Variants in TTLL11 observed in about 807,000 individuals in gnomAD.
TTLL11 encodes the protein tubulin tyrosine ligase like 11.
In TTLL11, 42 loss-of-function variants were observed where a neutral mutation model predicts 51.7. The ratio of observed to expected loss-of-function variants is 0.81; its 90% CI spans 0.64 to 1.05. TTLL11 has a LOEUF of 1.05. Among genes scored for constraint, TTLL11 ranks in the 50% least tolerant of loss-of-function variants. The pLI is 0.00. For synonymous variants in TTLL11, 381 were observed against 383.5 expected (o/e 0.99, Z 0.08); for missense variants, 799 against 940.4 (o/e 0.85, Z 1.97).
intron 6 of TTLL11, among the ~76,000 whole-genome samples, chr9:121,941,434 C>T (rs1376342303): frequency 2.0e-5 from 3 of 152,212 alleles, no homozygotes; most frequent in African/African-American, 4.8e-5. Flanking sequence ...CCGACATTTG[C>T]GGAGCATTGA....
At chr9:121,996,822 C>A (rs1174711212) in intron 3 of TTLL11, among the ~76,000 whole-genome samples, 1 of 152,192 alleles carries the variant, frequency 6.6e-6, no homozygotes, top group Non-Finnish European at 1.5e-5. Flanking sequence ...TTTTGATGCT[C>A]TGCAAAGATA....
chr9:121,845,628 C>T (rs1356023995), intron 8 of TTLL11, among the ~76,000 whole-genome samples: 2 of 152,054 alleles, frequency 1.3e-5, no homozygotes, highest in African/African-American at 2.4e-5. Flanking sequence ...TGTTATAAGG[C>T]ATGGAAAAGA....
intron 3 of TTLL11, among the ~76,000 whole-genome samples, chr9:122,014,094 G>A (rs185412068): frequency 4.5e-4 from 69 of 152,218 alleles, no homozygotes; most frequent in Non-Finnish European, 8.4e-4. Flanking sequence ...GGTCAGGCAC[G>A]TGGCTCACAC....
intron 6 of TTLL11, among the ~76,000 whole-genome samples, chr9:121,971,058 G>C (rs1393719501): frequency 2.7e-5 from 4 of 148,266 alleles, no homozygotes; most frequent in African/African-American, 7.5e-5. Flanking sequence ...GCCCCGTCCG[G>C]GAGGGAGGTG....
intron 4 of TTLL11, among the ~76,000 whole-genome samples, chr9:121,976,487 T>A (rs1175518036): frequency 6.6e-6 from 1 of 152,046 alleles, no homozygotes; most frequent in Non-Finnish European, 1.5e-5. Context: ...ATTTCTAACA[T>A]AATTAATAGA....
chr9:122,061,703 T>A (rs1845437832), intron 1 of TTLL11, among the ~76,000 whole-genome samples: 1 of 152,116 alleles, frequency 6.6e-6, no homozygotes, highest in African/African-American at 2.4e-5. Flanking sequence ...AGTGGTGCAA[T>A]CTTGGCTCAC....
chr9:121,996,465 A>T (rs1416229018), intron 3 of TTLL11, among the ~76,000 whole-genome samples: 1 of 151,884 alleles, frequency 6.6e-6, no homozygotes, highest in Admixed American at 6.6e-5. Flanking sequence ...ACACACACAG[A>T]CACACACACA....
intron 1 of TTLL11, among the ~76,000 whole-genome samples, chr9:122,091,194 A>G (rs924255951): frequency 6.6e-6 from 1 of 152,096 alleles, no homozygotes; most frequent in Admixed American, 6.6e-5. Flanking sequence ...AGCTAAGTGG[A>G]GGCCCCACTT....
At chr9:122,063,995 A>G (rs1380954937) in intron 1 of TTLL11, among the ~76,000 whole-genome samples, 1 of 152,212 alleles carries the variant, frequency 6.6e-6, no homozygotes, top group African/African-American at 2.4e-5. Flanking sequence ...TAGTTCACTT[A>G]ATATCAGCCT....
chr9:121,996,234 C>T (rs764440382), intron 3 of TTLL11, among the ~76,000 whole-genome samples: 18 of 152,162 alleles, frequency 1.2e-4, no homozygotes, highest in Admixed American at 2.0e-4. Context: ...ACCTCTATGC[C>T]TTTACACCGG....
chr9:121,960,309 T>C (rs949842280), intron 6 of TTLL11, among the ~76,000 whole-genome samples: 1 of 152,166 alleles, frequency 6.6e-6, no homozygotes, highest in Non-Finnish European at 1.5e-5. Flanking sequence ...AGTACTCCAG[T>C]GAGTGAATAA....
At chr9:121,860,527 T>C (rs1047812731) in intron 7 of TTLL11, 84 bp from the exon 8 acceptor site, 12 of 1,108,438 alleles carry the variant, frequency 1.1e-5, no homozygotes, top group Middle Eastern at 2.0e-4. Context: ...AGGGACTGAA[T>C]GTTTGTCCTC....
At chr9:121,826,217 T>TATATATATATACAC (rs1491163835) in intron 8 of TTLL11, among the ~76,000 whole-genome samples, 27 of 58,096 alleles carry the variant, frequency 4.6e-4, no homozygotes, top group East Asian at 3.3e-3. Flanking sequence ...TATATATATA[T>TATATATATATACAC]GCACACATAT....
chr9:122,076,421 G>A (rs1434141714), intron 1 of TTLL11, among the ~76,000 whole-genome samples: 2 of 152,168 alleles, frequency 1.3e-5, no homozygotes, highest in South Asian at 2.1e-4. Context: ...CATCCTCAGT[G>A]GGTGAAACTG....
At chr9:121,922,349 C>G (rs545141027) in intron 6 of TTLL11, among the ~76,000 whole-genome samples, 1 of 152,308 alleles carries the variant, frequency 6.6e-6, no homozygotes, top group African/African-American at 2.4e-5. Flanking sequence ...GGTGCCAAGT[C>G]ATCACCTCAG....
rs540841614 is a variant in TTLL11, at chr9:121,832,556, C to T, written c.1841-9677G>A. ...GGGTATTGACAATCCATTTTACATT[C>T]AAGAAACTTGCCACAATCGCATGGC... On this transcript the variant is annotated intron_variant, in intron 8 of 8. Coordinates refer to ENST00000321582, the MANE Select transcript of TTLL11 (RefSeq NM_001139442.2). Among the ~76,000 whole-genome samples the T allele has an allele frequency of 8.5e-5, 13 of 152,316 alleles. No homozygotes were observed. The South Asian group carries it at 2.7e-3, about 32-fold the overall frequency.
At chr9:122,046,843 G>A (rs1251072803) in intron 1 of TTLL11, among the ~76,000 whole-genome samples, 1 of 152,120 alleles carries the variant, frequency 6.6e-6, no homozygotes, top group Admixed American at 6.5e-5. Flanking sequence ...GGAAATGGAA[G>A]GGCTTAGTAC....
chr9:121,859,464 G>A lies in TTLL11; in HGVS notation c.1840+873C>T, dbSNP rs148190507. Among the ~76,000 whole-genome samples, 280 of 152,154 alleles carry A rather than the reference G, an allele frequency of 1.8e-3. 1 individual carries two copies. Among genetic ancestry groups the A allele is most frequent in the African/African-American group, 6.4e-3 (267 of 41,542 alleles). On this transcript the variant is annotated intron_variant, in intron 8 of 8. Coordinates refer to ENST00000321582, the MANE Select transcript of TTLL11 (RefSeq NM_001139442.2). ...TGCAGTGAGCTGAGATCGTGCCACTGCAACCACTCCAGCCTGGGCAACAGA... is the reference window on the plus strand; with the variant it reads ...TGCAGTGAGCTGAGATCGTGCCACTACAACCACTCCAGCCTGGGCAACAGA...
rs140348665 is a variant in TTLL11, at chr9:121,956,676, C to G, written c.1481+17333G>C. On this transcript the variant is annotated intron_variant, in intron 6 of 8. Transcript: ENST00000321582. ...GTCTTCCGGTGGCCCGGGACAGACA[C>G]AAGGCCGGGGGTGGCAGGCAAGTAG... is the stretch of plus-strand genomic sequence containing the variant. 2.9e-3 allele frequency among the ~76,000 whole-genome samples: 438 copies of G among 150,798 alleles called. 1 individual carries two copies. The highest frequency in any genetic ancestry group is 4.4e-3 in the Non-Finnish European group (296 of 67,872).
Sources: allele counts gnomAD v4.1 joint callset (sites outside exome capture counted in the v4.1 genomes callset), GRCh38; gene constraint gnomAD v4.1.1; transcripts MANE v1.5; gene names NCBI Gene and HGNC (gene_info 2026-07-23, HGNC 2026-07-21).